Variants in ERBB4 observed in about 807,000 individuals in gnomAD.
The protein encoded by ERBB4 is erb-b2 receptor tyrosine kinase 4, also known as receptor tyrosine-protein kinase erbB-4.
Under a neutral mutation model 158.0 loss-of-function variants are expected in ERBB4, and 42 were observed. The observed-to-expected ratio is 0.27, with a 90% confidence interval of 0.21 to 0.34. The LOEUF (loss-of-function observed/expected upper bound fraction) is 0.34. Ranked by LOEUF, ERBB4 falls within the 10% of genes least tolerant of loss-of-function variation. The pLI, the probability that ERBB4 is intolerant of heterozygous loss-of-function variation, is 1.00. For synonymous variants in ERBB4, 583 were observed against 558.7 expected (o/e 1.04, Z -0.61); for missense variants, 1,333 against 1,624.1 (o/e 0.82, Z 3.08).
At chr2:211,732,762 G>A (rs12619698) in intron 5 of ERBB4, among the ~76,000 whole-genome samples, 30,785 of 151,970 alleles carry the variant, frequency 0.2, 4,022 homozygotes, top group Non-Finnish European at 0.3. Flanking sequence ...TGACCAGCCT[G>A]ACCAACATGC....
intron 2 of ERBB4, among the ~76,000 whole-genome samples, chr2:212,119,625 A>G (rs1034620590): frequency 1.3e-5 from 2 of 152,196 alleles, no homozygotes; most frequent in African/African-American, 4.8e-5. Context: ...GATAAAATAC[A>G]TAATAAATAA....
At chr2:211,487,596 GC>G (rs2125562802) in intron 20 of ERBB4, among the ~76,000 whole-genome samples, 1 of 151,978 alleles carries the variant, frequency 6.6e-6, no homozygotes, top group East Asian at 1.9e-4. Flanking sequence ...GAAAACAGGT[GC>G]CCCCTTTTCC....
chr2:212,498,145 C>G (rs912190385), intron 1 of ERBB4, among the ~76,000 whole-genome samples: 4 of 151,630 alleles, frequency 2.6e-5, no homozygotes, highest in African/African-American at 9.7e-5. Context: ...TATGTGTGCA[C>G]AGCCGTGTAC....
At position 211,724,711 on chromosome 2, in the gene ERBB4, T is replaced by G. The variant is rs76003269; in HGVS notation, c.741+365A>C. The stretch of plus-strand genomic sequence containing the variant: ...TCTTCTATAATCTTGAAATTTATAT[T>G]CAAGAAATAAAATGCAATTGCTCCC... On this transcript the variant is annotated intron_variant, in intron 6 of 27. Transcript: ENST00000342788. 6.5e-3 allele frequency among the ~76,000 whole-genome samples: 986 copies of G among 152,276 alleles called. 22 individuals are homozygous for G. The highest frequency in any genetic ancestry group is 0.023 in the African/African-American group (946 of 41,556).
At chr2:211,444,003 A>C (rs1190642275) in intron 20 of ERBB4, among the ~76,000 whole-genome samples, 2 of 152,044 alleles carry the variant, frequency 1.3e-5, no homozygotes, top group Non-Finnish European at 2.9e-5. Context: ...TTATACTTAG[A>C]ATCCCAAAGA....
chr2:211,915,435 T>TTTTATATATATA (rs1553512119), intron 3 of ERBB4, among the ~76,000 whole-genome samples: 71 of 135,532 alleles, frequency 5.2e-4, no homozygotes, highest in African/African-American at 2.1e-3. Flanking sequence ...AGTTCAAACA[T>TTTTATATATATA]TACATATATA....
chr2:211,787,375 A>G (rs1307915953), intron 4 of ERBB4, among the ~76,000 whole-genome samples: 1 of 152,228 alleles, frequency 6.6e-6, no homozygotes, highest in Admixed American at 6.5e-5. Flanking sequence ...GCTTATTATT[A>G]AATCATATTA....
At chr2:211,910,849 C>A (rs1165843148) in intron 3 of ERBB4, among the ~76,000 whole-genome samples, 4 of 152,122 alleles carry the variant, frequency 2.6e-5, no homozygotes, top group South Asian at 2.1e-4. Context: ...TATAAGGGAA[C>A]AATAAGTCAA....
chr2:212,462,447 CTG>C (rs1291548410), intron 1 of ERBB4, among the ~76,000 whole-genome samples: 4 of 152,048 alleles, frequency 2.6e-5, no homozygotes, highest in African/African-American at 9.7e-5. Flanking sequence ...GGTAAAGTAT[CTG>C]AACAGATATT....
chr2:211,619,136 A>C, intron 19 of ERBB4, 41 bp downstream of exon 19: 2 of 1,193,140 alleles, frequency 1.7e-6, no homozygotes, highest in Non-Finnish European at 2.5e-6. Context: ...AGGCTATTTG[A>C]TAATGGAGAA....
At chr2:212,032,182 C>G (rs1333999443) in intron 2 of ERBB4, among the ~76,000 whole-genome samples, 1 of 152,024 alleles carries the variant, frequency 6.6e-6, no homozygotes, top group East Asian at 1.9e-4. Flanking sequence ...TGAGTCACGG[C>G]TGGCTTTTCA....
chr2:212,036,742 G>A (rs2077023431), intron 2 of ERBB4, among the ~76,000 whole-genome samples: 1 of 152,120 alleles, frequency 6.6e-6, no homozygotes, highest in Non-Finnish European at 1.5e-5. Context: ...GGGATTACAG[G>A]CGTGAGCCAC....
chr2:212,264,870 T>C (rs2085073215), intron 1 of ERBB4, among the ~76,000 whole-genome samples: 1 of 152,114 alleles, frequency 6.6e-6, no homozygotes, highest in Non-Finnish European at 1.5e-5. Flanking sequence ...ACAGGCTCAT[T>C]ATAAAGTCAT....
chr2:212,306,137 C>A (rs1046280320), intron 1 of ERBB4, among the ~76,000 whole-genome samples: 2 of 151,234 alleles, frequency 1.3e-5, no homozygotes, highest in Non-Finnish European at 3.0e-5. Context: ...TTTTTATGTG[C>A]AACAGTAGAT....
At chr2:211,665,273 C>T (rs1449800089) in intron 15 of ERBB4, 50 bp downstream of exon 15, 2 of 1,578,368 alleles carry the variant, frequency 1.3e-6, no homozygotes, top group African/African-American at 1.3e-5. Context: ...GATAAAGATA[C>T]ATGTGGATAA....
At chr2:212,229,425 C>T (rs1402367459) in intron 1 of ERBB4, among the ~76,000 whole-genome samples, 1 of 152,068 alleles carries the variant, frequency 6.6e-6, no homozygotes, top group East Asian at 1.9e-4. Flanking sequence ...TGCAAAAGTG[C>T]ATAGTTAATG....
intron 2 of ERBB4, among the ~76,000 whole-genome samples, chr2:211,995,741 C>T (rs1306906809): frequency 6.6e-6 from 1 of 152,170 alleles, no homozygotes. Flanking sequence ...TTAAGTCCCT[C>T]CTTACACACC....
intron 1 of ERBB4, among the ~76,000 whole-genome samples, chr2:212,522,690 T>C (rs1462527892): frequency 3.3e-5 from 5 of 152,080 alleles, no homozygotes; most frequent in Non-Finnish European, 5.9e-5. Flanking sequence ...TCCTTAAAAA[T>C]AGTAAATTAA....
chr2:212,101,802 G>T (rs1203851915), intron 2 of ERBB4, among the ~76,000 whole-genome samples: 10 of 151,628 alleles, frequency 6.6e-5, no homozygotes, highest in African/African-American at 2.4e-4. Context: ...ATAATGAAAA[G>T]GTTATAAAAA....
Sources: allele counts gnomAD v4.1 joint callset (sites outside exome capture counted in the v4.1 genomes callset), GRCh38; gene constraint gnomAD v4.1.1; transcripts MANE v1.5; gene names NCBI Gene and HGNC (gene_info 2026-07-23, HGNC 2026-07-21).